MYRFL: variants seen among roughly 807,000 people sequenced by gnomAD.
MYRFL encodes myelin regulatory factor-like protein.
In MYRFL, 88 loss-of-function variants were observed where a neutral mutation model predicts 109.4. That is an observed-to-expected ratio of 0.80 (90% CI 0.68 to 0.96). The LOEUF (loss-of-function observed/expected upper bound fraction) is 0.96, where lower values mean the gene tolerates loss of function less well. MYRFL is among the 40% of genes least tolerant of loss of function. The pLI is 0.00. For synonymous variants in MYRFL, 324 were observed against 320.9 expected (o/e 1.01, Z -0.10); for missense variants, 957 against 954.9 (o/e 1.00, Z -0.03).
chr12:69,913,598 T>G (rs183453687), intron 13 of MYRFL, among the ~76,000 whole-genome samples: 1 of 152,196 alleles, frequency 6.6e-6, no homozygotes, highest in Non-Finnish European at 1.5e-5. Context: ...CTAAAATCAT[T>G]TAACCATATA....
At chr12:69,883,010 A>G (rs1418621198) in intron 5 of MYRFL, among the ~76,000 whole-genome samples, 1 of 152,246 alleles carries the variant, frequency 6.6e-6, no homozygotes, top group African/African-American at 2.4e-5. Flanking sequence ...AAAGTAAGTT[A>G]TGCAAACATA....
At chr12:69,906,615 C>T (rs997678750) in intron 11 of MYRFL, among the ~76,000 whole-genome samples, 22 of 152,154 alleles carry the variant, frequency 1.4e-4, no homozygotes, top group African/African-American at 4.8e-4. Flanking sequence ...TTGATTTTCT[C>T]CTAACCACAA....
chr12:69,865,362 T>A (rs2136326595), intron 2 of MYRFL, among the ~76,000 whole-genome samples: 1 of 152,316 alleles, frequency 6.6e-6, no homozygotes, highest in South Asian at 2.1e-4. Context: ...GGCTTCTCTT[T>A]GTAGCATTGC....
At chr12:69,842,427 T>A (rs1883297277) in intron 1 of MYRFL, among the ~76,000 whole-genome samples, 1 of 151,534 alleles carries the variant, frequency 6.6e-6, no homozygotes. Context: ...CAACATTTAT[T>A]GAATAGCTAT....
chr12:69,880,949 C>CTTTTTTTTTTTTTT (rs1555246940), intron 5 of MYRFL, among the ~76,000 whole-genome samples: 10 of 30,224 alleles, frequency 3.3e-4, no homozygotes, highest in Middle Eastern at 0.017. Flanking sequence ...GTCAGCCTTC[C>CTTTTTTTTTTTTTT]TGTTTTTTTT....
chr12:69,886,861 A>G lies in MYRFL; in HGVS notation c.598A>G (p.Ser200Gly). Residue 200 changes from serine to glycine, a missense_variant, in exon 6 of 25, where the codon AGT (serine) becomes GGT (glycine). Ser to Gly is a moderately conservative substitution (Grantham distance 56). Transcript: ENST00000552032. The stretch of plus-strand genomic sequence containing the variant: ...CAGCAGTGAAGTCCAGGACCCTGAC[A>G]GTGAGGGACAGAACAGAATGCCTAC... ...SRSSEVQDPD[S>G]EGQNRMPTDQ... 1 of 1,535,954 alleles carries G rather than the reference A, an allele frequency of 6.5e-7. No individual in the cohort carries two copies. Among genetic ancestry groups the G allele is most frequent in the Non-Finnish European group, 8.7e-7 (1 of 1,146,742 alleles).
intron 2 of MYRFL, among the ~76,000 whole-genome samples, chr12:69,873,332 A>G (rs1885468080): frequency 6.6e-6 from 1 of 152,196 alleles, no homozygotes; most frequent in African/African-American, 2.4e-5. Flanking sequence ...CCTGGGCTGC[A>G]TGCAGCCCAC....
intron 15 of MYRFL, among the ~76,000 whole-genome samples, chr12:69,929,113 C>T (rs1332000244): frequency 6.6e-6 from 1 of 152,060 alleles, no homozygotes; most frequent in Non-Finnish European, 1.5e-5. Flanking sequence ...GAGTGGAGAG[C>T]CCAGTATGAA....
intron 19 of MYRFL, 83 bp from the exon 20 acceptor site, chr12:69,952,030 C>A: frequency 8.7e-7 from 1 of 1,152,608 alleles, no homozygotes; most frequent in Non-Finnish European, 1.2e-6. Flanking sequence ...ACTCAACTCA[C>A]AGAGATGAAC....
rs1207663482 is a variant in MYRFL, at chr12:69,861,024, T to C, written c.137+5654T>C. 8.8e-4 allele frequency among the ~76,000 whole-genome samples: 132 copies of C among 149,720 alleles called. 1 individual carries two copies. The highest frequency in any genetic ancestry group is 2.2e-4 in the South Asian group (1 of 4,650). ...TTGGTTTTTTGTTCTTGCGATAGTT[T>C]ACTGAGAATGATGATTTCCAATTTC... On this transcript the variant is annotated intron_variant, in intron 2 of 24. Coordinates refer to ENST00000552032, the MANE Select transcript of MYRFL (RefSeq NM_182530.3).
chr12:69,861,195 C>G (rs1356589415), intron 2 of MYRFL, among the ~76,000 whole-genome samples: 1 of 151,620 alleles, frequency 6.6e-6, no homozygotes, highest in Non-Finnish European at 1.5e-5. Flanking sequence ...GCGAATAGTG[C>G]CGCAATAAAC....
intron 23 of MYRFL, 141 bp from the exon 24 acceptor site, chr12:69,958,108 C>A: frequency 8.6e-7 from 1 of 1,165,490 alleles, no homozygotes; most frequent in Non-Finnish European, 1.2e-6. Flanking sequence ...GTTGCTAGGA[C>A]TGTTCTAGCA....
rs140442413 is a variant in MYRFL, at chr12:69,830,309, G to A, written c.46+4746G>A. Among the ~76,000 whole-genome samples, 8 of 151,138 alleles carry A rather than the reference G, an allele frequency of 5.3e-5. No homozygotes were observed. The East Asian group carries it at 1.2e-3, about 22-fold the overall frequency. ...TATAGATAATATATAGAGAGATAAT[G>A]TATCTGTATGGATATATTCTACCTT... is the stretch of plus-strand genomic sequence containing the variant. On this transcript the variant is annotated intron_variant, in intron 1 of 24. Transcript: ENST00000552032.
intron 5 of MYRFL, among the ~76,000 whole-genome samples, chr12:69,880,567 C>G (rs901678732): frequency 6.6e-6 from 1 of 152,216 alleles, no homozygotes. Flanking sequence ...AGGATTCAGG[C>G]TCCAGGCCTG....
intron 13 of MYRFL, among the ~76,000 whole-genome samples, chr12:69,925,424 G>A (rs1475294193): frequency 6.6e-6 from 1 of 152,160 alleles, no homozygotes; most frequent in Non-Finnish European, 1.5e-5. Flanking sequence ...CTTCAGTTTG[G>A]ATGATAAGAA....
At chr12:69,904,827 C>G (rs1439594773) in intron 11 of MYRFL, among the ~76,000 whole-genome samples, 5 of 152,156 alleles carry the variant, frequency 3.3e-5, no homozygotes, top group African/African-American at 1.2e-4. Flanking sequence ...CTCTCCTTTC[C>G]TTATCCCTTT....
rs192581390 is a variant in MYRFL, at chr12:69,910,609, C to A, written c.1493-212C>A. On this transcript the variant is annotated intron_variant, in intron 12 of 24. Transcript: ENST00000552032. The stretch of plus-strand genomic sequence containing the variant: ...TGGACAGGGATTTTAAGGCACTTAC[C>A]TCCCCCCTGTTGGCCCAGAGTCTCA... 8.2e-4 allele frequency among the ~76,000 whole-genome samples: 122 copies of A among 148,434 alleles called. 1 individual carries two copies. Among genetic ancestry groups the A allele is most frequent in the African/African-American group, 2.7e-3 (106 of 39,876 alleles).
At chr12:69,913,217 T>G (rs1369148736) in intron 13 of MYRFL, among the ~76,000 whole-genome samples, 1 of 152,216 alleles carries the variant, frequency 6.6e-6, no homozygotes, top group Admixed American at 6.5e-5. Context: ...CCTTATGAGA[T>G]ATATAATTTG....
chr12:69,936,771 C>A, intron 19 of MYRFL, 139 bp downstream of exon 19: 1 of 721,654 alleles, frequency 1.4e-6, no homozygotes. Context: ...CTTTAAAACA[C>A]AAATACACAA....
Sources: allele counts gnomAD v4.1 joint callset (sites outside exome capture counted in the v4.1 genomes callset), GRCh38; gene constraint gnomAD v4.1.1; transcripts MANE v1.5; gene names NCBI Gene and HGNC (gene_info 2026-07-23, HGNC 2026-07-21).